GDF1: variants seen among roughly 807,000 people sequenced by gnomAD.
GDF1 encodes the protein embryonic growth/differentiation factor 1.
GDF1 carries 8 observed loss-of-function variants against 7.4 expected under a neutral mutation model. The observed-to-expected ratio is 1.09, with a 90% CI of 0.64 to 1.96. The LOEUF (loss-of-function observed/expected upper bound fraction) is 1.96, where lower values mean the gene tolerates loss of function less well. GDF1 is among the 30% of genes most tolerant of loss of function. The probability of loss-of-function intolerance (pLI) is 0.00; values close to 1 mark genes in which losing one functional copy is unlikely to be tolerated. For missense variants in GDF1, 574 were observed against 551.5 expected (o/e 1.04, Z -0.41); for synonymous variants, 311 against 276.7 (o/e 1.12, Z -1.23).
chr19:18,888,611 A>G (rs569983295), intron 2 of GDF1, among the ~76,000 whole-genome samples: 1 of 149,968 alleles, frequency 6.7e-6, no homozygotes, highest in African/African-American at 2.5e-5. Context: ...GAGGCAGATC[A>G]CCTGAAGTCG....
rs978085666 is a variant in GDF1, at chr19:18,879,343, G to A, written c.-525C>T. 2.5e-6 allele frequency: 4 copies of A among 1,600,638 alleles called. No individual in the cohort carries two copies. Among genetic ancestry groups the A allele is most frequent in the Admixed American group, 3.5e-5 (2 of 57,268 alleles). On this transcript the variant is annotated 5_prime_UTR_variant, in exon 5 of 8. Transcript: ENST00000247005. ...CCGTGCGCAGACTGCAGTGACTGGTGGCATACAGGACCTTGAGCGGGAACC... is the reference window on the plus strand; with the variant it reads ...CCGTGCGCAGACTGCAGTGACTGGTAGCATACAGGACCTTGAGCGGGAACC...
intron 6 of GDF1, among the ~76,000 whole-genome samples, chr19:18,873,284 G>A (rs561320719): frequency 3.3e-5 from 5 of 152,286 alleles, no homozygotes; most frequent in African/African-American, 7.2e-5. Context: ...GGGGAGCTGC[G>A]TGGCTAGGAG....
In GDF1 at chr19:18,879,017, T is replaced by C. The variant is rs2056123161; in HGVS notation, c.-400A>G. The C allele has an allele frequency of 6.2e-7, 1 of 1,613,602 alleles. No individual in the cohort carries two copies. Among genetic ancestry groups the C allele is most frequent in the Admixed American group, 1.7e-5 (1 of 59,980 alleles). ...CTCGTGCACCTGGCCTGTCAACACC[T>C]TGGCTGCAAACGCCACGATGTACTG... On this transcript the variant is annotated 5_prime_UTR_variant, in exon 6 of 8. Coordinates refer to ENST00000247005, the MANE Select transcript of GDF1 (RefSeq NM_001492.6).
chr19:18,873,841 G>GA (rs35266368), intron 6 of GDF1, among the ~76,000 whole-genome samples: 4,762 of 116,654 alleles, frequency 0.041, 100 homozygotes, highest in East Asian at 0.11. Flanking sequence ...ACTCTGTCTC[G>GA]AAAAAAAAAA....
chr19:18,888,127 A>G, intron 2 of GDF1, among the ~76,000 whole-genome samples: 1 of 152,218 alleles, frequency 6.6e-6, no homozygotes. Flanking sequence ...TGGGAGGCCA[A>G]GGTGGGTGGA....
intron 6 of GDF1, among the ~76,000 whole-genome samples, chr19:18,871,223 A>ATTTT (rs572877061): frequency 8.3e-6 from 1 of 119,834 alleles, no homozygotes; most frequent in East Asian, 2.4e-4. Flanking sequence ...ACTCCCAGCA[A>ATTTT]TTTTTTTTTT....
At chr19:18,877,801 A>G (rs1209939419) in intron 6 of GDF1, 4 of 160,752 alleles carry the variant, frequency 2.5e-5, no homozygotes, top group African/African-American at 4.8e-5. Context: ...CTCAAAGGAC[A>G]GCGCAATCTA....
intron 1 of GDF1, among the ~76,000 whole-genome samples, chr19:18,893,783 G>C (rs1386833993): frequency 6.6e-6 from 1 of 152,096 alleles, no homozygotes; most frequent in African/African-American, 2.4e-5. Context: ...GGCCGCCGCG[G>C]TGCTGGGAGG....
chr19:18,874,221 T>C (rs911372474), intron 6 of GDF1, among the ~76,000 whole-genome samples: 1 of 152,190 alleles, frequency 6.6e-6, no homozygotes, highest in South Asian at 2.1e-4. Flanking sequence ...GAGATGATGA[T>C]GATGGGGACA....
intron 4 of GDF1, 93 bp downstream of exon 4, chr19:18,880,181 G>T (rs1169641599): frequency 7.3e-6 from 8 of 1,091,704 alleles, no homozygotes; most frequent in Non-Finnish European, 8.2e-6. Flanking sequence ...ACCGGGCCCC[G>T]CCTCCTTCCC....
At chr19:18,884,386 G>T in intron 2 of GDF1, 119 bp from the exon 3 acceptor site, 1 of 891,240 alleles carries the variant, frequency 1.1e-6, no homozygotes, top group Non-Finnish European at 1.6e-6. Flanking sequence ...AACCATGCGT[G>T]TCTGACTGCT....
intron 3 of GDF1, chr19:18,883,256 T>A (rs1042672101): frequency 1.3e-5 from 2 of 152,226 alleles, no homozygotes; most frequent in African/African-American, 4.8e-5. Context: ...GTGTATTTCA[T>A]TTTAAAGTTT....
chr19:18,869,348 T>C lies in GDF1; in HGVS notation c.368A>G (p.His123Arg). The C allele has an allele frequency of 6.5e-7, 1 of 1,531,704 alleles. No individual in the cohort carries two copies. The highest frequency in any genetic ancestry group is 8.7e-7 in the Non-Finnish European group (1 of 1,146,422). 94.9% of individuals were successfully genotyped at this position (1,531,704 alleles called of 1,614,324 possible). The change falls in exon 8 of 8, where the codon CAT becomes CGT. Residue 123 changes from histidine (H) to arginine (R), a missense_variant. Transcript: ENST00000247005. ...RASEPASAAG[H>R]CPEWTVVFDL... The stretch of plus-strand genomic sequence containing the variant: ...GAAGACGACTGTCCACTCAGGGCAA[T>C]GCCCCGCGGCCGAGGCAGGCTCCGA...
intron 7 of GDF1, among the ~76,000 whole-genome samples, chr19:18,869,663 G>A (rs983399039): frequency 2.1e-5 from 3 of 140,594 alleles, no homozygotes; most frequent in Non-Finnish European, 4.6e-5. Flanking sequence ...CAGAACCTGG[G>A]CCCCTGGGGA....
intron 2 of GDF1, among the ~76,000 whole-genome samples, chr19:18,885,510 C>CTTT (rs1568302620): frequency 3.4e-5 from 1 of 29,506 alleles, no homozygotes; most frequent in African/African-American, 1.1e-4. Context: ...CGCCCCTTCT[C>CTTT]GTTTTTTTTT....
At chr19:18,872,289 GGT>G (rs1325138492) in intron 6 of GDF1, among the ~76,000 whole-genome samples, 1 of 152,222 alleles carries the variant, frequency 6.6e-6, no homozygotes, top group African/African-American at 2.4e-5. Context: ...TGCCTTTTGA[GGT>G]GTGGGTGGCG....
intron 6 of GDF1, among the ~76,000 whole-genome samples, chr19:18,877,643 T>C (rs1251131418): frequency 6.6e-6 from 1 of 151,730 alleles, no homozygotes; most frequent in Non-Finnish European, 1.5e-5. Context: ...GCCCAGCTAC[T>C]TGGGAGGCTG....
Position 18,893,402 on chromosome 19 carries a change from C to A in GDF1, c.-914+14G>T. On this transcript the variant is annotated intron_variant, in intron 2 of 7. Transcript: ENST00000247005. Reference sequence around the variant, plus strand: ...TAAGCAGAGCCCTCCCGGCCATCCCCTCAGGGCCCCTACCGTAGAAGACAG... The same window carrying A: ...TAAGCAGAGCCCTCCCGGCCATCCCATCAGGGCCCCTACCGTAGAAGACAG... 6.3e-7 allele frequency: 1 copy of A among 1,595,396 alleles called. No individual in the cohort carries two copies. The highest frequency in any genetic ancestry group is 2.3e-5 in the East Asian group (1 of 43,964).
intron 6 of GDF1, among the ~76,000 whole-genome samples, chr19:18,872,781 C>T (rs1298392940): frequency 6.6e-6 from 1 of 152,106 alleles, no homozygotes; most frequent in Non-Finnish European, 1.5e-5. Flanking sequence ...CTCCAAAGTG[C>T]TGGGATTACA....
Sources: gnomAD v4.1 joint callset for allele counts (sites outside exome capture counted in the v4.1 genomes callset) on GRCh38, gnomAD v4.1.1 for gene constraint, MANE v1.5 for transcripts, NCBI Gene and HGNC (gene_info 2026-07-23, HGNC 2026-07-21) for gene names.